The following HSPA12B variants were observed in gnomAD, a reference collection of about 807,000 sequenced individuals.
The protein encoded by HSPA12B is heat shock protein family A (Hsp70) member 12B.
A neutral mutation model predicts 69.3 loss-of-function variants in HSPA12B; 54 were observed. That is an observed-to-expected ratio of 0.78 (90% confidence interval 0.63 to 0.98). HSPA12B has a LOEUF of 0.98. Among genes scored for constraint, HSPA12B ranks in the 50% least tolerant of loss-of-function variants. The probability of loss-of-function intolerance (pLI) is 0.00; values close to 1 mark genes in which losing one functional copy is unlikely to be tolerated. For synonymous variants in HSPA12B, 441 were observed against 436.5 expected (o/e 1.01, Z -0.13); for missense variants, 929 against 999.8 (o/e 0.93, Z 0.96).
chr20:3,739,264 G>A (rs900008558), intron 2 of HSPA12B, among the ~76,000 whole-genome samples: 10 of 151,760 alleles, frequency 6.6e-5, no homozygotes, highest in African/African-American at 2.4e-4. Context: ...TTCAGGCCAT[G>A]TGCACAGGAC....
rs144262723 is a variant in HSPA12B at position 3,750,868 on chromosome 20, C to T, written c.1366C>T (p.Leu456Phe). The change falls in exon 12 of 13, where the codon CTC (leucine) becomes TTC (phenylalanine). Residue 456 changes from leucine (L) to phenylalanine (F), a missense_variant. Transcript: ENST00000254963. Reference sequence around the variant, plus strand: ...AATGTCTTGTGAAGCCATGAACGAGCTCTTTCAGCCCACCGTCAGCGGGAT... The same window carrying T: ...AATGTCTTGTGAAGCCATGAACGAGTTCTTTCAGCCCACCGTCAGCGGGAT... ...LRMSCEAMNE[L>F]FQPTVSGIIQ... The T allele has an allele frequency of 1.2e-6, 2 of 1,614,012 alleles. No homozygotes were observed. Among genetic ancestry groups the T allele is most frequent in the Non-Finnish European group, 1.7e-6 (2 of 1,180,034 alleles).
intron 1 of HSPA12B, among the ~76,000 whole-genome samples, chr20:3,738,140 C>T (rs2088137362): frequency 6.6e-6 from 1 of 152,240 alleles, no homozygotes; most frequent in African/African-American, 2.4e-5. Context: ...GTAAGCCCAG[C>T]CCAGCCCTCT....
chr20:3,738,910 A>G (rs1402134846), intron 2 of HSPA12B, among the ~76,000 whole-genome samples, 193 bp downstream of exon 2: 1 of 152,070 alleles, frequency 6.6e-6, no homozygotes, highest in South Asian at 2.1e-4. Flanking sequence ...GTGTGCAGAA[A>G]GGGTCTGTGT....
chr20:3,752,210 C>T lies in HSPA12B; in HGVS notation c.*44C>T, dbSNP rs369279917. 2.0e-4 allele frequency: 294 copies of T among 1,434,864 alleles called. 2 individuals carry two copies. In the African/African-American group the frequency reaches 3.7e-3, roughly 18 times the overall value. The allele number at this position is 1,434,864 out of a possible 1,614,324, so 88.9% of individuals were successfully genotyped here. On this transcript the variant is annotated 3_prime_UTR_variant, in exon 13 of 13. Transcript: ENST00000254963. The stretch of plus-strand genomic sequence containing the variant: ...CCAGCGCCGTCTGCCCGGCCCCGCC[C>T]TCTTTCGGTTCAGGGGCCTGCGGAG...
At chr20:3,746,268 G>T (rs2088300712) in intron 7 of HSPA12B, among the ~76,000 whole-genome samples, 1 of 150,408 alleles carries the variant, frequency 6.6e-6, no homozygotes, top group Non-Finnish European at 1.5e-5. Context: ...CCTTAAGTCA[G>T]GTGTCCTAAA....
chr20:3,749,380 G>A lies in HSPA12B; in HGVS notation c.937+62G>A. 1.4e-6 allele frequency: 2 copies of A among 1,427,134 alleles called. No individual in the cohort carries two copies. The highest frequency in any genetic ancestry group is 4.8e-5 in the East Asian group (2 of 41,966). 88.4% of individuals were successfully genotyped at this position (1,427,134 alleles called of 1,614,324 possible). On this transcript the variant is annotated intron_variant, in intron 9 of 12. Transcript: ENST00000254963. The surrounding 1 kb of genome is among the most constrained non-coding windows in gnomAD (Gnocchi z 5.5). Reference sequence around the variant, plus strand: ...CCTACCGGGCACCATATACTGATGGGGGGAAGGGCATGTTTGCAAAGCCCG... The same window carrying A: ...CCTACCGGGCACCATATACTGATGGAGGGAAGGGCATGTTTGCAAAGCCCG...
chr20:3,751,529 C>G lies in HSPA12B; in HGVS notation c.1424C>G (p.Pro475Arg). The change falls in exon 13 of 13, where the codon CCG (proline) becomes CGG (arginine). Residue 475 changes from proline to arginine, a missense_variant. By Grantham distance (103) the Pro-to-Arg change is moderately radical. Coordinates refer to ENST00000254963, the MANE Select transcript of HSPA12B (RefSeq NM_052970.5). ...IQHIEALLAR[P>R]EVQGVKLLFL... is the part of the protein sequence containing the mutation. ...CCCGCAGAGGCCCTGCTGGCACGGC[C>G]GGAGGTGCAGGGTGTGAAGCTGCTG... 1.4e-6 allele frequency: 2 copies of G among 1,450,134 alleles called. No homozygotes were observed. The highest frequency in any genetic ancestry group is 1.8e-6 in the Non-Finnish European group (2 of 1,102,284). 89.8% of individuals were successfully genotyped at this position (1,450,134 alleles called of 1,614,324 possible).
chr20:3,752,330 A>C lies in HSPA12B; in HGVS notation c.*164A>C. 1 of 643,872 alleles carries C rather than the reference A, an allele frequency of 1.6e-6. No individual in the cohort carries two copies. Among genetic ancestry groups the C allele is most frequent in the Non-Finnish European group, 2.4e-6 (1 of 417,860 alleles). The allele number at this position is 643,872 out of a possible 1,614,324, so 39.9% of individuals were successfully genotyped here. A position where few individuals can be genotyped will look rare whatever the true frequency, so the allele number is the denominator to read the frequency against. ...TAAGGTCATGGGAGAGTGGGTGGGG[A>C]CACACCCAGAGACTGGCTTTGGGAT... On this transcript the variant is annotated 3_prime_UTR_variant, in exon 13 of 13. Transcript: ENST00000254963.
rs1269795843 is a variant in HSPA12B, at chr20:3,752,014, G to A, written c.1909G>A (p.Ala637Thr). ...CGCGCTCAGCCTCGAGCTTGAGCCC[G>A]CCGACTGCGGCCAGGACACCGCCGG... ...CGALSLELEP[A>T]DCGQDTAGAP... Residue 637 changes from alanine to threonine, a missense_variant, in exon 13 of 13, where the codon GCC (alanine) becomes ACC (threonine). Physicochemically the swap from Ala to Thr is moderately conservative, Grantham distance 58. This residue lies in a region of HSPA12B where 448 missense variants were observed against 448.1 expected (regional missense o/e 1.00). Coordinates refer to ENST00000254963, the MANE Select transcript of HSPA12B (RefSeq NM_052970.5). 1 of 1,563,398 alleles carries A rather than the reference G, an allele frequency of 6.4e-7. No homozygotes were observed. Among genetic ancestry groups the A allele is most frequent in the Non-Finnish European group, 8.6e-7 (1 of 1,160,318 alleles).
rs2088418902 is a variant in HSPA12B at position 3,751,470 on chromosome 20, C to T, written c.1406-41C>T. 2.9e-6 allele frequency: 4 copies of T among 1,380,896 alleles called. No homozygotes were observed. In the East Asian group the frequency reaches 8.6e-5, roughly 30 times the overall value. 85.5% of individuals were successfully genotyped at this position (1,380,896 alleles called of 1,614,324 possible). Reference sequence around the variant, plus strand: ...GGCTCTCTCTCCCCCGCCCCTTCTCCTCTGCCCCCTTCACCCGCGTCCCCC... The same window carrying T: ...GGCTCTCTCTCCCCCGCCCCTTCTCTTCTGCCCCCTTCACCCGCGTCCCCC... On this transcript the variant is annotated intron_variant, in intron 12 of 12. Coordinates refer to ENST00000254963, the MANE Select transcript of HSPA12B (RefSeq NM_052970.5).
rs758631794 is a variant in HSPA12B, at chr20:3,751,750, A to G, written c.1645A>G (p.Asn549Asp). ...SPLTYGVGVL[N>D]RFVPGRHPPE... ...GCTCACCTATGGCGTGGGCGTGCTC[A>G]ACCGCTTTGTGCCTGGGCGCCACCC... The change falls in exon 13 of 13, where the codon AAC (asparagine) becomes GAC (aspartate). Residue 549 changes from asparagine (N) to aspartate (D), a missense_variant. Asn to Asp is a conservative substitution (Grantham distance 23, BLOSUM62 1). Around this residue, in one of 3 missense-constraint regions of HSPA12B, gnomAD observed 448 missense variants for 448.1 expected, o/e 1.00. Transcript: ENST00000254963. The G allele has an allele frequency of 2.6e-6, 4 of 1,523,264 alleles. No homozygotes were observed. The South Asian group carries it at 3.6e-5, about 14-fold the overall frequency. 94.4% of individuals were successfully genotyped at this position (1,523,264 alleles called of 1,614,324 possible).
chr20:3,748,038 G>A (rs779877025), intron 7 of HSPA12B, among the ~76,000 whole-genome samples, 179 bp from the exon 8 acceptor site: 3 of 152,254 alleles, frequency 2.0e-5, no homozygotes, highest in African/African-American at 4.8e-5. Flanking sequence ...TGGTCACAGC[G>A]TGGCTATGAG....
intron 7 of HSPA12B, among the ~76,000 whole-genome samples, chr20:3,747,231 G>T (rs923785115): frequency 2.0e-4 from 30 of 152,238 alleles, no homozygotes; most frequent in African/African-American, 7.0e-4. Flanking sequence ...GGGATCTCAA[G>T]CCTGCCTGTG....
At position 3,745,702 on chromosome 20, in the gene HSPA12B, C is replaced by A; in HGVS notation, c.558+105C>A. 1 of 1,076,344 alleles carries A rather than the reference C, an allele frequency of 9.3e-7. No individual in the cohort carries two copies. Among genetic ancestry groups the A allele is most frequent in the Non-Finnish European group, 1.4e-6 (1 of 714,404 alleles). 66.7% of individuals were successfully genotyped at this position (1,076,344 alleles called of 1,614,324 possible). ...TCCCCGACATTGGATGGGTAGCCACCGCCGGAGCTCAGAGGTCATCTTCTC... is the reference window on the plus strand; with the variant it reads ...TCCCCGACATTGGATGGGTAGCCACAGCCGGAGCTCAGAGGTCATCTTCTC... On this transcript the variant is annotated intron_variant, in intron 6 of 12. Coordinates refer to ENST00000254963, the MANE Select transcript of HSPA12B (RefSeq NM_052970.5). This position sits in a 1 kb window ranked among gnomAD's most constrained non-coding sequence, Gnocchi z 5.6.
rs574511678 is a variant in HSPA12B, at chr20:3,737,718, G to A, written c.-17-940G>A. On this transcript the variant is annotated intron_variant, in intron 1 of 12. Coordinates refer to ENST00000254963, the MANE Select transcript of HSPA12B (RefSeq NM_052970.5). The surrounding 1 kb of genome is among the most constrained non-coding windows in gnomAD (Gnocchi z 4.1). ...CCCTATCTCAAAACAAACAAACAAC[G>A]AAGGCCAGGCACGGTGGCTCATGCC... is the stretch of plus-strand genomic sequence containing the variant. Among the ~76,000 whole-genome samples the A allele has an allele frequency of 2.6e-5, 4 of 152,118 alleles. No homozygotes were observed. The highest frequency in any genetic ancestry group is 3.9e-4 in the East Asian group (2 of 5,172).
rs752464362 is a variant in HSPA12B at position 3,752,121 on chromosome 20, C to G, written c.2016C>G (p.Ser672Arg). ...TEIKVTAVDV[S>R]TNRSVRASID... is the part of the protein sequence containing the mutation. ...TTAAGGTCACCGCCGTCGACGTCAG[C>G]ACCAATCGCTCCGTGCGCGCGTCCA... The change falls in exon 13 of 13, where the codon AGC becomes AGG. Residue 672 changes from serine to arginine, a missense_variant. By Grantham distance (110) the Ser-to-Arg change is moderately radical (BLOSUM62 -1). Transcript: ENST00000254963. 2 of 1,494,286 alleles carry G rather than the reference C, an allele frequency of 1.3e-6. No homozygotes were observed. Among genetic ancestry groups the G allele is most frequent in the African/African-American group, 1.5e-5 (1 of 68,962 alleles). The allele number at this position is 1,494,286 out of a possible 1,614,324, so 92.6% of individuals were successfully genotyped here.
chr20:3,740,729 G>A lies in HSPA12B; in HGVS notation c.44-86G>A, dbSNP rs2088185457. On this transcript the variant is annotated intron_variant, in intron 2 of 12. Coordinates refer to ENST00000254963, the MANE Select transcript of HSPA12B (RefSeq NM_052970.5). This position sits in a 1 kb window ranked among gnomAD's most constrained non-coding sequence, Gnocchi z 4.9. ...TTGCCTTAGCCCAGCAAGGACTGAT[G>A]GAGAACCTTTGGGTGCCTGGCTTGG... 1.9e-6 allele frequency: 2 copies of A among 1,037,034 alleles called. No homozygotes were observed. Among genetic ancestry groups the A allele is most frequent in the South Asian group, 2.7e-5 (2 of 74,406 alleles). 64.2% of individuals were successfully genotyped at this position (1,037,034 alleles called of 1,614,324 possible).
chr20:3,750,023 G>T lies in HSPA12B; in HGVS notation c.1097G>T (p.Arg366Leu). ...CTGGCCTTCGAGCAGCTGCTGTGCC[G>T]CATCTTCGGCGAGGACTTCATCGCC... is the stretch of plus-strand genomic sequence containing the variant. The part of the protein sequence containing the change: ...VDLAFEQLLC[R>L]IFGEDFIATF... Residue 366 changes from arginine to leucine, a missense_variant, in exon 11 of 13, where the codon CGC (arginine) becomes CTC (leucine). This residue lies in a region of HSPA12B where 477 missense variants were observed against 535.2 expected (regional missense o/e 0.89). Coordinates refer to ENST00000254963, the MANE Select transcript of HSPA12B (RefSeq NM_052970.5). 1 of 1,596,142 alleles carries T rather than the reference G, an allele frequency of 6.3e-7. No homozygotes were observed.
chr20:3,739,383 C>T (rs1316393379), intron 2 of HSPA12B, among the ~76,000 whole-genome samples: 1 of 152,182 alleles, frequency 6.6e-6, no homozygotes, highest in Non-Finnish European at 1.5e-5. Flanking sequence ...GAGAGTTCTG[C>T]GTGTGCATGT....
Sources: allele counts gnomAD v4.1 joint callset (sites outside exome capture counted in the v4.1 genomes callset), GRCh38; gene constraint gnomAD v4.1.1; regional missense constraint gnomAD v4.1.1; non-coding constraint Gnocchi (gnomAD v3.1); transcripts MANE v1.5; gene names NCBI Gene and HGNC (gene_info 2026-07-23, HGNC 2026-07-21).